S100A12: variants seen among roughly 807,000 people sequenced by gnomAD.
The protein encoded by S100A12 is protein S100-A12.
In S100A12, 3 loss-of-function variants were observed where a neutral mutation model predicts 4.0. The ratio of observed to expected loss-of-function variants is 0.75; its 90% confidence interval spans 0.34 to 1.94. S100A12 has a LOEUF of 1.94. S100A12 is among the 30% of genes most tolerant of loss of function. The pLI is 0.07. For synonymous variants in S100A12, 50 were observed against 41.4 expected, an observed-to-expected ratio of 1.21 and a Z score of -0.79; for missense variants, 122 against 107.0, an observed-to-expected ratio of 1.14 and a Z score of -0.62.
Position 153,373,839 on chromosome 1 carries a change from G to A in S100A12, c.267C>T (p.Thr89=), listed in dbSNP as rs965270816. 6.2e-6 allele frequency: 10 copies of A among 1,613,576 alleles called. No individual in the cohort carries two copies. The African/African-American group carries it at 1.3e-4, about 22-fold the overall frequency. The part of the protein sequence containing the change: ...AIALKAAHYH[T]HKE ...TTCAGAGAGCTACCTACTCTTTGTG[G>A]GTGTGGTAATGGGCAGCCTTCAGCG... Residue 89 remains threonine (T), a synonymous_variant, in exon 3 of 3, where the codon ACC becomes ACT. Coordinates refer to ENST00000368737, the MANE Select transcript of S100A12 (RefSeq NM_005621.2).
At chr1:153,374,166 C>T in intron 2 of S100A12, 199 bp from the exon 3 acceptor site, 1 of 707,330 alleles carries the variant, frequency 1.4e-6, no homozygotes, top group South Asian at 1.5e-5. Flanking sequence ...AAGGCTTGAC[C>T]TGGAAGGTAC....
chr1:153,374,243 A>G (rs1348530236), intron 2 of S100A12, among the ~76,000 whole-genome samples: 1 of 152,184 alleles, frequency 6.6e-6, no homozygotes, highest in Non-Finnish European at 1.5e-5. Flanking sequence ...GAGGAAACAG[A>G]CTCAGAGAGA....
At chr1:153,374,653 C>A (rs570567710) in intron 1 of S100A12, 41 bp from the exon 2 acceptor site, 22 of 1,402,108 alleles carry the variant, frequency 1.6e-5, no homozygotes, top group Admixed American at 1.3e-4. Context: ...GTTTCTCCCC[C>A]ACCCCTCAAC....
chr1:153,375,399 CT>C (rs1661712489), intron 1 of S100A12, among the ~76,000 whole-genome samples, 152 bp downstream of exon 1: 1 of 152,192 alleles, frequency 6.6e-6, no homozygotes, highest in Non-Finnish European at 1.5e-5. Flanking sequence ...ACAACAAGAG[CT>C]GATCTACTTG....
At chr1:153,374,720 A>T in intron 1 of S100A12, 108 bp from the exon 2 acceptor site, 1 of 734,350 alleles carries the variant, frequency 1.4e-6, no homozygotes, top group Non-Finnish European at 2.3e-6. Flanking sequence ...AACATCCTCC[A>T]TATCTATTTT....
In S100A12 at chr1:153,374,473, C is replaced by A; in HGVS notation, c.120G>T (p.Glu40Asp). The A allele has an allele frequency of 6.2e-7, 1 of 1,613,800 alleles. No homozygotes were observed. Among genetic ancestry groups the A allele is most frequent in the Admixed American group, 1.7e-5 (1 of 59,978 alleles). The change falls in exon 2 of 3, where the codon GAG becomes GAT. Residue 40 changes from glutamate to aspartate, a missense_variant. Coordinates refer to ENST00000368737, the MANE Select transcript of S100A12 (RefSeq NM_005621.2). ...KGELKQLLTK[E>D]LANTIKNIKD... ...CACCTACCTTGATGGTGTTTGCAAG[C>A]TCCTTTGTAAGCAGCTGCTTCAGCT...
At chr1:153,375,270 G>A (rs950704217) in intron 1 of S100A12, among the ~76,000 whole-genome samples, 17 of 152,096 alleles carry the variant, frequency 1.1e-4, no homozygotes, top group African/African-American at 3.9e-4. Context: ...GGATGGTCTC[G>A]ATCTCCTCAC....
Position 153,373,985 on chromosome 1 carries a change from C to T in S100A12, c.139-18G>A. The T allele has an allele frequency of 6.2e-7, 1 of 1,613,122 alleles. No homozygotes were observed. Among genetic ancestry groups the T allele is most frequent in the Non-Finnish European group, 8.5e-7 (1 of 1,179,098 alleles). ...TTGATATTCTAGGAAAAAAGGACAACAGAGACCTTGAGTTCAGAACCTCCA... is the reference window on the plus strand; with the variant it reads ...TTGATATTCTAGGAAAAAAGGACAATAGAGACCTTGAGTTCAGAACCTCCA... On this transcript the variant is annotated intron_variant, in intron 2 of 2. Transcript: ENST00000368737.
chr1:153,374,900 G>T (rs562006543), intron 1 of S100A12, among the ~76,000 whole-genome samples: 25 of 152,278 alleles, frequency 1.6e-4, no homozygotes, highest in African/African-American at 6.0e-4. Flanking sequence ...CTTACTCAAG[G>T]TCCCTTGGGA....
rs199916066 is a variant in S100A12 at position 153,373,746 on chromosome 1, C to A, written c.*81G>T. 3.3e-6 allele frequency: 4 copies of A among 1,220,754 alleles called. No homozygotes were observed. Among genetic ancestry groups the A allele is most frequent in the African/African-American group, 1.5e-5 (1 of 66,418 alleles). The allele number at this position is 1,220,754 out of a possible 1,614,324, so 75.6% of individuals were successfully genotyped here. A position where few individuals can be genotyped will look rare whatever the true frequency, so the allele number is the denominator to read the frequency against. On this transcript the variant is annotated 3_prime_UTR_variant, in exon 3 of 3. Coordinates refer to ENST00000368737, the MANE Select transcript of S100A12 (RefSeq NM_005621.2). ...TGTGTTTATTAACTCTTACTCCCCACGGGCAAGGCTGGGTTTTGGTGAGGG... is the reference window on the plus strand; with the variant it reads ...TGTGTTTATTAACTCTTACTCCCCAAGGGCAAGGCTGGGTTTTGGTGAGGG...
intron 2 of S100A12, 86 bp from the exon 3 acceptor site, chr1:153,374,053 T>C (rs748484370): frequency 7.9e-7 from 1 of 1,259,530 alleles, no homozygotes; most frequent in Non-Finnish European, 1.2e-6. Flanking sequence ...AGAGCTCGGG[T>C]TGTGAAGGCC....
intron 2 of S100A12, 41 bp downstream of exon 2, chr1:153,374,414 A>G: frequency 6.3e-7 from 1 of 1,592,758 alleles, no homozygotes. Context: ...CCCTCAGTGC[A>G]GGGTCATGGG....
chr1:153,374,660 C>T, intron 1 of S100A12, 48 bp from the exon 2 acceptor site: 2 of 1,263,458 alleles, frequency 1.6e-6, no homozygotes, highest in Non-Finnish European at 2.3e-6. Context: ...CCCCACCCCT[C>T]AACCTCCACT....
intron 2 of S100A12, 125 bp downstream of exon 2, chr1:153,374,330 C>T: frequency 1.1e-6 from 1 of 880,940 alleles, no homozygotes; most frequent in Non-Finnish European, 1.7e-6. Context: ...GGGAGAGCAT[C>T]CTTTGGGAGC....
chr1:153,374,438 A>G lies in S100A12; in HGVS notation c.138+17T>C. The G allele has an allele frequency of 6.2e-7, 1 of 1,607,976 alleles. No individual in the cohort carries two copies. Among genetic ancestry groups the G allele is most frequent in the Non-Finnish European group, 8.5e-7 (1 of 1,176,864 alleles). On this transcript the variant is annotated intron_variant, in intron 2 of 2. Coordinates refer to ENST00000368737, the MANE Select transcript of S100A12 (RefSeq NM_005621.2). ...CAGGGTCATGGGCAAGTTTGCAGTG[A>G]GAGGGGCATCACCTACCTTGATGGT...
chr1:153,375,043 G>C (rs1162146484), intron 1 of S100A12, among the ~76,000 whole-genome samples: 1 of 151,754 alleles, frequency 6.6e-6, no homozygotes, highest in Non-Finnish European at 1.5e-5. Flanking sequence ...TGGGTTTTTT[G>C]TTTGTTTGTT....
intron 1 of S100A12, among the ~76,000 whole-genome samples, chr1:153,374,999 C>T (rs1190734801): frequency 6.6e-6 from 1 of 152,202 alleles, no homozygotes; most frequent in East Asian, 1.9e-4. Flanking sequence ...TAACCCACCC[C>T]TGCTTAGCCA....
Position 153,373,811 on chromosome 1 carries a change from GCCTTCAGAGAGCTA to G in S100A12, c.*2_*15del, listed in dbSNP as rs1284727698. On this transcript the variant is annotated 3_prime_UTR_variant, in exon 3 of 3. Transcript: ENST00000368737. The stretch of plus-strand genomic sequence containing the variant: ...CATTGAGGACATTGCTGGGTAAAAA[GCCTTCAGAGAGCTA>G]CCTACTCTTTGTGGGTGTGGTAATG... 1 of 1,610,884 alleles carries G rather than the reference GCCTTCAGAGAGCTA, an allele frequency of 6.2e-7. No homozygotes were observed. Among genetic ancestry groups the G allele is most frequent in the African/African-American group, 1.3e-5 (1 of 74,856 alleles).
At chr1:153,374,204 C>T (rs1194790424) in intron 2 of S100A12, among the ~76,000 whole-genome samples, 2 of 152,194 alleles carry the variant, frequency 1.3e-5, no homozygotes, top group African/African-American at 2.4e-5. Context: ...CAACCCCTCC[C>T]GTGCCCTGCC....
Sources: allele counts gnomAD v4.1 joint callset (sites outside exome capture counted in the v4.1 genomes callset), GRCh38; gene constraint gnomAD v4.1.1; transcripts MANE v1.5; gene names NCBI Gene and HGNC (gene_info 2026-07-23, HGNC 2026-07-21).